Variants in ADAMTS3 observed in about 807,000 individuals in gnomAD.
ADAMTS3 encodes A disintegrin and metalloproteinase with thrombospondin motifs 3.
In ADAMTS3, 73 loss-of-function variants were observed where a neutral mutation model predicts 129.0. The ratio of observed to expected loss-of-function variants is 0.57; its 90% CI spans 0.47 to 0.69. The LOEUF is 0.69. Ranked by LOEUF, ADAMTS3 falls within the 30% of genes least tolerant of loss-of-function variation. The probability of loss-of-function intolerance (pLI) is 0.00; values close to 1 mark genes in which losing one functional copy is unlikely to be tolerated. For missense variants in ADAMTS3, 1,457 were observed against 1,514.5 expected (o/e 0.96, Z 0.63); for synonymous variants, 477 against 510.8 (o/e 0.93, Z 0.89).
chr4:72,310,822 G>T (rs1719212915), intron 14 of ADAMTS3, among the ~76,000 whole-genome samples: 1 of 152,170 alleles, frequency 6.6e-6, no homozygotes, highest in East Asian at 1.9e-4. Flanking sequence ...AAGGCATTTG[G>T]CTGGAAATTA....
chr4:72,564,107 G>C (rs1044252546), intron 2 of ADAMTS3, among the ~76,000 whole-genome samples: 3 of 152,152 alleles, frequency 2.0e-5, no homozygotes, highest in African/African-American at 7.2e-5. Context: ...AAATAGGACA[G>C]ATGCCCCAAT....
intron 4 of ADAMTS3, among the ~76,000 whole-genome samples, chr4:72,393,146 G>A (rs1405609156): frequency 6.6e-6 from 1 of 151,950 alleles, no homozygotes; most frequent in Admixed American, 6.6e-5. Context: ...GGCTGGTCTC[G>A]AACTCCTGAC....
At chr4:72,415,618 C>T (rs1722284552) in intron 3 of ADAMTS3, among the ~76,000 whole-genome samples, 1 of 151,662 alleles carries the variant, frequency 6.6e-6, no homozygotes, top group Non-Finnish European at 1.5e-5. Flanking sequence ...TATATATCCC[C>T]CTCAAACTGC....
At chr4:72,311,211 T>C in intron 13 of ADAMTS3, 30 bp from the exon 14 acceptor site, 1 of 1,587,568 alleles carries the variant, frequency 6.3e-7, no homozygotes, top group Non-Finnish European at 8.6e-7. Context: ...AAATTAACTA[T>C]TTACATAAAA....
chr4:72,542,274 C>G (rs1721351748), intron 3 of ADAMTS3, among the ~76,000 whole-genome samples: 2 of 152,146 alleles, frequency 1.3e-5, no homozygotes. Context: ...ATGCCATTCT[C>G]CTATCTCAGC....
At chr4:72,491,725 G>C (rs900858158) in intron 3 of ADAMTS3, among the ~76,000 whole-genome samples, 6 of 151,672 alleles carry the variant, frequency 4.0e-5, no homozygotes, top group African/African-American at 9.7e-5. Flanking sequence ...TTAGCTTATA[G>C]TTTTCTTTTC....
intron 4 of ADAMTS3, among the ~76,000 whole-genome samples, chr4:72,375,848 T>C (rs141304998): frequency 1.3e-5 from 2 of 152,044 alleles, no homozygotes; most frequent in African/African-American, 2.4e-5. Flanking sequence ...TTGCTAGGAG[T>C]CTCTCTTATA....
At chr4:72,543,680 CA>C (rs1293199529) in intron 3 of ADAMTS3, among the ~76,000 whole-genome samples, 3 of 152,010 alleles carry the variant, frequency 2.0e-5, no homozygotes, top group Non-Finnish European at 4.4e-5. Flanking sequence ...ATTGTAGAGA[CA>C]GTAGAATTGT....
At chr4:72,461,941 C>T (rs1718782151) in intron 3 of ADAMTS3, among the ~76,000 whole-genome samples, 1 of 151,812 alleles carries the variant, frequency 6.6e-6, no homozygotes, top group Non-Finnish European at 1.5e-5. Flanking sequence ...CTTTATCGCT[C>T]CTTTCATTAC....
In ADAMTS3 at chr4:72,323,025, C is replaced by T. The variant is rs1719600089; in HGVS notation, c.934G>A (p.Gly312Arg). 1 of 1,612,620 alleles carries T rather than the reference C, an allele frequency of 6.2e-7. No individual in the cohort carries two copies. The highest frequency in any genetic ancestry group is 1.3e-5 in the African/African-American group (1 of 74,868). ...TTAAGACATTTTACCTTTGCATATC[C>T]CAGCATTATCATGCGCACCAGGACC... is the stretch of plus-strand genomic sequence containing the variant. Reference protein sequence around the residue: ...NVVLVRMIMLGYAKSISLIER... With the variant: ...NVVLVRMIMLRYAKSISLIER... Residue 312 changes from glycine (G) to arginine (R), a missense_variant, in exon 6 of 22, where the codon GGA (glycine) becomes AGA (arginine). Transcript: ENST00000286657.
intron 4 of ADAMTS3, among the ~76,000 whole-genome samples, chr4:72,351,357 A>G (rs1720430654): frequency 1.3e-5 from 2 of 152,016 alleles, no homozygotes; most frequent in Middle Eastern, 3.4e-3. Flanking sequence ...AGCTTGCCCT[A>G]AATGATTTTC....
chr4:72,549,992 G>GA (rs1560563900), intron 2 of ADAMTS3, among the ~76,000 whole-genome samples: 4 of 8,060 alleles, frequency 5.0e-4, no homozygotes, highest in Admixed American at 9.0e-4. Flanking sequence ...AGAAGAAGAA[G>GA]AGGAAGAGGA....
chr4:72,329,188 A>G (rs1719775505), intron 5 of ADAMTS3, among the ~76,000 whole-genome samples: 2 of 152,212 alleles, frequency 1.3e-5, no homozygotes, highest in Admixed American at 1.3e-4. Context: ...GCATGAAAAA[A>G]AATGAATGCA....
chr4:72,354,179 T>C (rs1720516339), intron 4 of ADAMTS3, among the ~76,000 whole-genome samples: 1 of 152,010 alleles, frequency 6.6e-6, no homozygotes, highest in Admixed American at 6.6e-5. Context: ...AGTGTTTGTT[T>C]AGATAAAATA....
rs192327004 is a variant in ADAMTS3 at position 72,448,051 on chromosome 4, G to C, written c.505-33080C>G. 4.0e-4 allele frequency among the ~76,000 whole-genome samples: 60 copies of C among 151,764 alleles called. 1 individual carries two copies. The highest frequency in any genetic ancestry group is 1.4e-3 in the African/African-American group (59 of 41,484). Reference sequence around the variant, plus strand: ...TCTCACTTGATCACTCACCTGTCCTGTATGCACTTTATTACTCTCTCCTTC... The same window carrying C: ...TCTCACTTGATCACTCACCTGTCCTCTATGCACTTTATTACTCTCTCCTTC... On this transcript the variant is annotated intron_variant, in intron 3 of 21. Coordinates refer to ENST00000286657, the MANE Select transcript of ADAMTS3 (RefSeq NM_014243.3).
rs1720949552 is a variant in ADAMTS3, at chr4:72,530,045, TATTTATATATAATATGTTATATATAAC to T, written c.504+18406_504+18432del. Among the ~76,000 whole-genome samples the T allele has an allele frequency of 3.2e-4, 6 of 18,492 alleles. 3 individuals carry two copies. The highest frequency in any genetic ancestry group is 1.9e-3 in the African/African-American group (6 of 3,216). 12.1% of individuals were successfully genotyped at this position (18,492 alleles called of 152,430 possible). On this transcript the variant is annotated intron_variant, in intron 3 of 21. Transcript: ENST00000286657. ...ATTTATATATAAATATAATATATTA[TATTTATATATAATATGTTATATATAAC>T]ATATTATATTTATATATAATATGTT...
At chr4:72,399,724 G>GTGTA (rs1243786409) in intron 4 of ADAMTS3, among the ~76,000 whole-genome samples, 1 of 109,558 alleles carries the variant, frequency 9.1e-6, no homozygotes, top group Admixed American at 8.9e-5. Context: ...ACGCATATGT[G>GTGTA]TGTATATACA....
At position 72,529,812 on chromosome 4, in the gene ADAMTS3, TATA is replaced by T. The variant is rs1341650505; in HGVS notation, c.504+18663_504+18665del. 5.1e-3 allele frequency among the ~76,000 whole-genome samples: 476 copies of T among 93,674 alleles called. 6 individuals carry two copies. The highest frequency in any genetic ancestry group is 0.019 in the African/African-American group (441 of 23,180). The allele number at this position is 93,674 out of a possible 152,430, so 61.5% of individuals were successfully genotyped here. A position where few individuals can be genotyped will look rare whatever the true frequency, so the allele number is the denominator to read the frequency against. On this transcript the variant is annotated intron_variant, in intron 3 of 21. Transcript: ENST00000286657. The stretch of plus-strand genomic sequence containing the variant: ...ATAATTTAATATAATATATATTATA[TATA>T]ATAATACATAATATATAACATATAA...
At chr4:72,499,515 C>T (rs1013577206) in intron 3 of ADAMTS3, among the ~76,000 whole-genome samples, 7 of 152,024 alleles carry the variant, frequency 4.6e-5, no homozygotes, top group African/African-American at 1.7e-4. Flanking sequence ...TATTAACAAC[C>T]AAAAATCAAC....
Sources: allele counts gnomAD v4.1 joint callset (sites outside exome capture counted in the v4.1 genomes callset), GRCh38; gene constraint gnomAD v4.1.1; transcripts MANE v1.5; gene names NCBI Gene and HGNC (gene_info 2026-07-23, HGNC 2026-07-21).